Variants in CDH18 observed in about 807,000 individuals in gnomAD.
CDH18 encodes the protein cadherin 18.
CDH18 carries 31 observed loss-of-function variants against 67.9 expected under a neutral mutation model. The observed-to-expected ratio is 0.46, with a 90% CI of 0.34 to 0.62. The LOEUF is 0.62. Among genes scored for constraint, CDH18 ranks in the 20% least tolerant of loss-of-function variants. The pLI is 0.01. For missense variants in CDH18, 890 were observed against 975.5 expected (o/e 0.91, Z 1.17); for synonymous variants, 362 against 347.2 (o/e 1.04, Z -0.48).
chr5:20,120,154 A>G (rs1748239136), intron 2 of CDH18, among the ~76,000 whole-genome samples: 1 of 152,056 alleles, frequency 6.6e-6, no homozygotes, highest in Non-Finnish European at 1.5e-5. Context: ...GGAAAAAGAG[A>G]AATCAGTGGT....
At chr5:20,407,482 A>C (rs1051846340) in intron 1 of CDH18, among the ~76,000 whole-genome samples, 1 of 129,114 alleles carries the variant, frequency 7.7e-6, no homozygotes, top group East Asian at 2.3e-4. Flanking sequence ...TTTCTAATGC[A>C]TATACACCAA....
intron 2 of CDH18, among the ~76,000 whole-genome samples, chr5:20,090,104 CAA>C (rs1745292860): frequency 6.6e-6 from 1 of 151,814 alleles, no homozygotes; most frequent in Non-Finnish European, 1.5e-5. Flanking sequence ...CAGAAAATAA[CAA>C]AAGATTATTA....
intron 3 of CDH18, among the ~76,000 whole-genome samples, chr5:19,785,076 A>G (rs1000617690): frequency 3.3e-5 from 5 of 152,076 alleles, no homozygotes; most frequent in African/African-American, 9.6e-5. Context: ...CTGTAACCCA[A>G]CCACCTCAGG....
chr5:20,093,514 T>C (rs1246122356), intron 2 of CDH18, among the ~76,000 whole-genome samples: 1 of 152,138 alleles, frequency 6.6e-6, no homozygotes, highest in Non-Finnish European at 1.5e-5. Flanking sequence ...TAACGCTACA[T>C]TAAACTCAAA....
intron 2 of CDH18, among the ~76,000 whole-genome samples, chr5:19,948,365 T>C (rs971480773): frequency 3.3e-5 from 5 of 152,172 alleles, no homozygotes; most frequent in African/African-American, 1.2e-4. Flanking sequence ...AACGGGTGAA[T>C]GGTTAAACAA....
At chr5:20,230,961 A>G (rs1045722857) in intron 2 of CDH18, among the ~76,000 whole-genome samples, 1 of 152,200 alleles carries the variant, frequency 6.6e-6, no homozygotes, top group African/African-American at 2.4e-5. Context: ...ATCATCACCC[A>G]TGGGAAGTGA....
At chr5:20,115,486 C>T (rs1747822725) in intron 2 of CDH18, among the ~76,000 whole-genome samples, 1 of 151,614 alleles carries the variant, frequency 6.6e-6, no homozygotes, top group Non-Finnish European at 1.5e-5. Context: ...ACCATGTTGG[C>T]CATGATGGTC....
chr5:20,213,957 T>G (rs866719238), intron 2 of CDH18, among the ~76,000 whole-genome samples: 9 of 151,972 alleles, frequency 5.9e-5, no homozygotes, highest in African/African-American at 2.2e-4. Flanking sequence ...GACATGATCC[T>G]ATATCTAGAA....
chr5:20,194,863 C>T (rs1738844410), intron 2 of CDH18, among the ~76,000 whole-genome samples: 1 of 151,994 alleles, frequency 6.6e-6, no homozygotes, highest in Admixed American at 6.6e-5. Flanking sequence ...TGCATTTCAT[C>T]ACCATAACTT....
intron 1 of CDH18, among the ~76,000 whole-genome samples, chr5:20,277,796 G>A (rs1561933269): frequency 6.6e-6 from 1 of 152,058 alleles, no homozygotes; most frequent in Non-Finnish European, 1.5e-5. Context: ...AGAATTGTAT[G>A]AGATAAATTT....
intron 5 of CDH18, among the ~76,000 whole-genome samples, chr5:19,692,466 T>A (rs2150429528): frequency 6.6e-6 from 1 of 152,144 alleles, no homozygotes; most frequent in African/African-American, 2.4e-5. Context: ...TAGGATAAAA[T>A]ATTTGCAAAT....
chr5:19,861,016 TTGAGA>T (rs771565247), intron 2 of CDH18, among the ~76,000 whole-genome samples: 13 of 152,238 alleles, frequency 8.5e-5, no homozygotes, highest in East Asian at 5.8e-4. Context: ...AATGCATGAG[TTGAGA>T]TAACTAAAAT....
intron 3 of CDH18, among the ~76,000 whole-genome samples, chr5:19,790,367 T>G (rs1776232449): frequency 6.6e-6 from 1 of 152,196 alleles, no homozygotes; most frequent in Admixed American, 6.6e-5. Flanking sequence ...TTAATGATTT[T>G]TAGATTATAT....
chr5:20,091,252 G>A (rs1204815381), intron 2 of CDH18, among the ~76,000 whole-genome samples: 1 of 152,032 alleles, frequency 6.6e-6, no homozygotes, highest in African/African-American at 2.4e-5. Flanking sequence ...TTGAGAGGCT[G>A]AGTCCCAGGA....
intron 2 of CDH18, among the ~76,000 whole-genome samples, chr5:19,980,416 T>C (rs1561673726): frequency 1.3e-5 from 2 of 152,098 alleles, no homozygotes; most frequent in Non-Finnish European, 2.9e-5. Context: ...ATTAAGGAAA[T>C]ACACTCTTTA....
chr5:20,093,085 T>C (rs1367124751), intron 2 of CDH18, among the ~76,000 whole-genome samples: 1 of 151,870 alleles, frequency 6.6e-6, no homozygotes, highest in African/African-American at 2.4e-5. Context: ...AAAATATTAA[T>C]ATTGAGCAAG....
At chr5:20,511,490 A>G (rs7724230) in intron 1 of CDH18, among the ~76,000 whole-genome samples, 73,813 of 151,600 alleles carry the variant, frequency 0.49, 18,047 homozygotes, top group East Asian at 0.57. Context: ...CATAATATAT[A>G]TATTCTAATA....
At chr5:19,868,298 T>C (rs905428483) in intron 2 of CDH18, among the ~76,000 whole-genome samples, 5 of 152,160 alleles carry the variant, frequency 3.3e-5, no homozygotes, top group Admixed American at 6.5e-5. Flanking sequence ...GGGATCCAGC[T>C]CTTCAGCTTT....
intron 1 of CDH18, among the ~76,000 whole-genome samples, chr5:20,419,645 T>G (rs1747692180): frequency 6.6e-6 from 1 of 150,412 alleles, no homozygotes; most frequent in African/African-American, 2.5e-5. Context: ...GCCCAGCTAA[T>G]TTTTTGTATT....
Sources: gnomAD v4.1 joint callset for allele counts (sites outside exome capture counted in the v4.1 genomes callset) on GRCh38, gnomAD v4.1.1 for gene constraint, MANE v1.5 for transcripts, NCBI Gene and HGNC (gene_info 2026-07-23, HGNC 2026-07-21) for gene names.